The following UBE2N variants were observed in gnomAD, a reference collection of about 807,000 sequenced individuals.
UBE2N encodes the protein ubiquitin-conjugating enzyme E2 N.
For synonymous variants in UBE2N, 70 were observed against 69.2 expected, an observed-to-expected ratio of 1.01 and a Z score of -0.06; for missense variants, 60 against 192.1, an observed-to-expected ratio of 0.31 and a Z score of 4.07.
Position 93,411,873 on chromosome 12 carries a change from T to C in UBE2N, c.31-574A>G, listed in dbSNP as rs556613147. 3.9e-5 allele frequency among the ~76,000 whole-genome samples: 6 copies of C among 152,248 alleles called. No homozygotes were observed. The East Asian group carries it at 7.8e-4, about 20-fold the overall frequency. ...CACACCTAGCTAATTTTTGTATTTTTAGTAGAGACGGTATCACCCTGTTGG... is the reference window on the plus strand; with the variant it reads ...CACACCTAGCTAATTTTTGTATTTTCAGTAGAGACGGTATCACCCTGTTGG... On this transcript the variant is annotated intron_variant, in intron 1 of 3. Transcript: ENST00000318066.
chr12:93,416,091 C>T (rs1592741866), intron 1 of UBE2N, among the ~76,000 whole-genome samples: 1 of 152,192 alleles, frequency 6.6e-6, no homozygotes, highest in East Asian at 1.9e-4. Flanking sequence ...ATGCTGCTCT[C>T]AAGTTCTAAT....
chr12:93,417,006 T>C (rs192658986), intron 1 of UBE2N, among the ~76,000 whole-genome samples: 1 of 152,274 alleles, frequency 6.6e-6, no homozygotes, highest in Admixed American at 6.5e-5. Context: ...AGAAGTGAGT[T>C]TAGGGCCATG....
chr12:93,431,127 T>A (rs1878757778), intron 1 of UBE2N, among the ~76,000 whole-genome samples: 1 of 152,084 alleles, frequency 6.6e-6, no homozygotes, highest in African/African-American at 2.4e-5. Context: ...CTCGGAAGGC[T>A]GAGGCAGGAG....
chr12:93,405,732 A>C lies in UBE2N; in HGVS notation c.*4307T>G, dbSNP rs1040002963. 5 of 152,168 alleles carry C rather than the reference A, an allele frequency of 3.3e-5. No individual in the cohort carries two copies. Among genetic ancestry groups the C allele is most frequent in the African/African-American group, 9.7e-5 (4 of 41,438 alleles). The allele number at this position is 152,168 out of a possible 1,614,324, so 9.4% of individuals were successfully genotyped here. A position where few individuals can be genotyped will look rare whatever the true frequency, so the allele number is the denominator to read the frequency against. Reference sequence around the variant, plus strand: ...TTATTATTTACACTTCTCTCAAATTATTACATTCAGCATGTTTTGCTTTTT... The same window carrying C: ...TTATTATTTACACTTCTCTCAAATTCTTACATTCAGCATGTTTTGCTTTTT... On this transcript the variant is annotated 3_prime_UTR_variant, in exon 4 of 4. Transcript: ENST00000318066.
intron 1 of UBE2N, among the ~76,000 whole-genome samples, chr12:93,413,113 G>T (rs1341927296): frequency 1.3e-5 from 2 of 152,144 alleles, no homozygotes; most frequent in Non-Finnish European, 2.9e-5. Context: ...TAACTTGTTT[G>T]TTAAGGTCAC....
chr12:93,426,231 T>C (rs577391703), intron 1 of UBE2N, among the ~76,000 whole-genome samples: 8 of 152,088 alleles, frequency 5.3e-5, no homozygotes, highest in Non-Finnish European at 8.8e-5. Context: ...TGTATTACAA[T>C]AGAGTACGAT....
intron 1 of UBE2N, among the ~76,000 whole-genome samples, chr12:93,424,851 C>T (rs774718015): frequency 2.0e-5 from 3 of 152,188 alleles, no homozygotes; most frequent in Non-Finnish European, 2.9e-5. Context: ...TATCCACTGT[C>T]GGTAAATGAG....
At chr12:93,413,439 AG>A (rs969096353) in intron 1 of UBE2N, among the ~76,000 whole-genome samples, 13 of 152,120 alleles carry the variant, frequency 8.5e-5, no homozygotes, top group African/African-American at 3.1e-4. Context: ...TATAAGCTGA[AG>A]CCTCCCCTAA....
chr12:93,413,884 G>A (rs1001447976), intron 1 of UBE2N, among the ~76,000 whole-genome samples: 17 of 152,330 alleles, frequency 1.1e-4, no homozygotes, highest in African/African-American at 2.9e-4. Context: ...GTCCTGAGCC[G>A]GGTGCGGTGG....
At chr12:93,439,596 C>A (rs1300730692) in intron 1 of UBE2N, among the ~76,000 whole-genome samples, 2 of 152,214 alleles carry the variant, frequency 1.3e-5, no homozygotes, top group East Asian at 3.8e-4. Context: ...TTACCCCCAT[C>A]CACCACACAG....
chr12:93,435,837 T>C (rs1056703812), intron 1 of UBE2N, among the ~76,000 whole-genome samples: 4 of 152,062 alleles, frequency 2.6e-5, no homozygotes, highest in East Asian at 1.9e-4. Context: ...TCACACCAAA[T>C]AGAAGAGTAA....
chr12:93,437,946 A>G (rs997534765), intron 1 of UBE2N, among the ~76,000 whole-genome samples: 3 of 152,230 alleles, frequency 2.0e-5, no homozygotes. Flanking sequence ...TAAGCAGAGT[A>G]GGCACACAAA....
intron 1 of UBE2N, among the ~76,000 whole-genome samples, chr12:93,416,745 T>C (rs568612163): frequency 1.3e-5 from 2 of 150,902 alleles, no homozygotes; most frequent in South Asian, 4.2e-4. Flanking sequence ...TGGGATGCCA[T>C]GGTTCACACC....
intron 1 of UBE2N, among the ~76,000 whole-genome samples, chr12:93,433,722 G>A (rs776708906): frequency 2.0e-5 from 3 of 152,310 alleles, no homozygotes; most frequent in Non-Finnish European, 4.4e-5. Flanking sequence ...AAAAGCCCCT[G>A]CTGGATGCTG....
chr12:93,429,061 G>A (rs11107023), intron 1 of UBE2N, among the ~76,000 whole-genome samples: 1,764 of 152,148 alleles, frequency 0.012, 38 homozygotes, highest in African/African-American at 0.04. Context: ...CACGAGGTCA[G>A]GAGTTCAAGA....
At chr12:93,410,199 T>C in intron 3 of UBE2N, 120 bp from the exon 4 acceptor site, 6 of 962,564 alleles carry the variant, frequency 6.2e-6, no homozygotes, top group Non-Finnish European at 9.3e-6. Flanking sequence ...ATCTGTTAAA[T>C]TCACGCCTTT....
intron 1 of UBE2N, among the ~76,000 whole-genome samples, chr12:93,434,254 T>A (rs1237674748): frequency 1.3e-5 from 2 of 152,202 alleles, no homozygotes; most frequent in African/African-American, 4.8e-5. Context: ...TTCGTGCCAC[T>A]GCACTCCAGC....
At chr12:93,435,666 CA>C (rs199707859) in intron 1 of UBE2N, among the ~76,000 whole-genome samples, 10 of 150,676 alleles carry the variant, frequency 6.6e-5, no homozygotes, top group Admixed American at 1.3e-4. Flanking sequence ...ACTTTTCTTA[CA>C]AAAAAAAATA....
chr12:93,410,077 T>C lies in UBE2N; in HGVS notation c.421A>G (p.Arg141Gly), dbSNP rs1196301248. The C allele has an allele frequency of 6.2e-7, 1 of 1,613,350 alleles. No individual in the cohort carries two copies. ...TNEAQAIETA[R>G]AWTRLYAMNN... ...ATGGCATATAGCCTAGTCCATGCTC[T>C]AGCTGTAGACAGAAACAAACATACG... Residue 141 changes from arginine to glycine, a missense_variant and splice_region_variant, in exon 4 of 4, where the codon AGA (arginine) becomes GGA (glycine). Coordinates refer to ENST00000318066, the MANE Select transcript of UBE2N (RefSeq NM_003348.4).
Sources: gnomAD v4.1 joint callset for allele counts (sites outside exome capture counted in the v4.1 genomes callset) on GRCh38, gnomAD v4.1.1 for gene constraint, MANE v1.5 for transcripts, NCBI Gene and HGNC (gene_info 2026-07-23, HGNC 2026-07-21) for gene names.